ABCA8: variants seen among roughly 807,000 people sequenced by gnomAD.
ABCA8 encodes the protein ABC-type organic anion transporter ABCA8.
Under a neutral mutation model 192.3 loss-of-function variants are expected in ABCA8, and 177 were observed. That is an observed-to-expected ratio of 0.92 (90% CI 0.81 to 1.04). The LOEUF is 1.04. Among genes scored for constraint, ABCA8 ranks in the 50% least tolerant of loss-of-function variants. ABCA8 has a pLI of 0.00. For synonymous variants in ABCA8, 642 were observed against 690.2 expected (o/e 0.93, Z 1.09); for missense variants, 1,915 against 1,904.8 (o/e 1.01, Z -0.10).
In ABCA8 at chr17:68,885,288, C is replaced by G. The variant is rs763500247; in HGVS notation, c.3457G>C (p.Ala1153Pro). The G allele has an allele frequency of 6.2e-7, 1 of 1,612,328 alleles. No individual in the cohort carries two copies. Among genetic ancestry groups the G allele is most frequent in the South Asian group, 1.1e-5 (1 of 90,782 alleles). ...VVTVFSVAGF[A>P]FSIFESDIPF... ...ATATCACTTTCGAAGATACTGAACG[C>G]AAATCCAGCCACAGAGAATACAGTG... The change falls in exon 27 of 40, where the codon GCG (alanine) becomes CCG (proline). Residue 1153 changes from alanine (A) to proline (P), a missense_variant. Ala to Pro is a conservative substitution (Grantham distance 27, BLOSUM62 -1). Coordinates refer to ENST00000586539, the MANE Select transcript of ABCA8 (RefSeq NM_001288985.2).
At chr17:68,953,611 C>T (rs907721696) in intron 1 of ABCA8, among the ~76,000 whole-genome samples, 11 of 152,006 alleles carry the variant, frequency 7.2e-5, no homozygotes, top group African/African-American at 2.7e-4. Flanking sequence ...GTCAGAGAGC[C>T]CATGGAAGGA....
chr17:68,887,489 C>A lies in ABCA8; in HGVS notation c.3162G>T (p.Gln1054His). ...AAGGGGAGAGTCCGGAAATCCGTAG[C>A]TGGGACCGAGCTCTGTTCTAATTAG... is the stretch of plus-strand genomic sequence containing the variant. Reference protein sequence around the residue: ...IDDYKNRARSQLRISGLSPSA... With the variant: ...IDDYKNRARSHLRISGLSPSA... The change falls in exon 25 of 40, where the codon CAG (glutamine) becomes CAT (histidine). Residue 1054 changes from glutamine to histidine, a missense_variant. Coordinates refer to ENST00000586539, the MANE Select transcript of ABCA8 (RefSeq NM_001288985.2). 1 of 1,611,424 alleles carries A rather than the reference C, an allele frequency of 6.2e-7. No homozygotes were observed. The highest frequency in any genetic ancestry group is 8.5e-7 in the Non-Finnish European group (1 of 1,179,214).
Position 68,940,799 on chromosome 17 carries a change from T to C in ABCA8, c.260A>G (p.Gln87Arg). 1 of 1,613,582 alleles carries C rather than the reference T, an allele frequency of 6.2e-7. No individual in the cohort carries two copies. The highest frequency in any genetic ancestry group is 8.5e-7 in the Non-Finnish European group (1 of 1,179,584). ...VVYTPVTNTT[Q>R]QIMNKVASTP... ...AGAGGCTACTTTATTCATTATCTGTTGGGTCGTGTTGGTGACAGGTGTGTA... is the reference window on the plus strand; with the variant it reads ...AGAGGCTACTTTATTCATTATCTGTCGGGTCGTGTTGGTGACAGGTGTGTA... The change falls in exon 4 of 40, where the codon CAA becomes CGA. Residue 87 changes from glutamine (Q) to arginine (R), a missense_variant. Physicochemically the swap from Gln to Arg is conservative, Grantham distance 43 (BLOSUM62 1). Transcript: ENST00000586539.
At chr17:68,868,473 C>A in intron 38 of ABCA8, 117 bp from the exon 39 acceptor site, 2 of 835,828 alleles carry the variant, frequency 2.4e-6, no homozygotes, top group South Asian at 3.5e-5. Flanking sequence ...AGGTAATATT[C>A]ATTCATGTCT....
At chr17:68,900,595 A>G (rs2066882668) in intron 21 of ABCA8, among the ~76,000 whole-genome samples, 1 of 151,726 alleles carries the variant, frequency 6.6e-6, no homozygotes, top group African/African-American at 2.4e-5. Flanking sequence ...TATTATATGC[A>G]GCAAGTATTA....
At chr17:68,903,170 C>T in intron 20 of ABCA8, 131 bp downstream of exon 20, 1 of 973,214 alleles carries the variant, frequency 1.0e-6, no homozygotes, top group East Asian at 2.5e-5. Flanking sequence ...GTGCTTCTTC[C>T]ACTGTGATGC....
chr17:68,874,561 A>G (rs1368327816), intron 37 of ABCA8, among the ~76,000 whole-genome samples: 1 of 152,214 alleles, frequency 6.6e-6, no homozygotes, highest in Non-Finnish European at 1.5e-5. Context: ...ATGTATTTCT[A>G]TACAGCCATG....
chr17:68,874,048 C>T lies in ABCA8; in HGVS notation c.4631+1212G>A, dbSNP rs1228772984. Among the ~76,000 whole-genome samples, 3 of 152,122 alleles carry T rather than the reference C, an allele frequency of 2.0e-5. No individual in the cohort carries two copies. The East Asian group carries it at 5.8e-4, about 29-fold the overall frequency. ...ATAATAATCAAAAGGAAGCAGTTCACAAGGAGAACTGGGGGAAGGGAGTGT... is the reference window on the plus strand; with the variant it reads ...ATAATAATCAAAAGGAAGCAGTTCATAAGGAGAACTGGGGGAAGGGAGTGT... On this transcript the variant is annotated intron_variant, in intron 37 of 39. Coordinates refer to ENST00000586539, the MANE Select transcript of ABCA8 (RefSeq NM_001288985.2).
Position 68,881,190 on chromosome 17 carries a change from C to A in ABCA8, c.3968G>T (p.Gly1323Val). ...VRKGEVLGLLGHNGAGKSTSI... is the reference protein window; with the variant it reads ...VRKGEVLGLLVHNGAGKSTSI... ...TGTGCTTTTACCAGCTCCATTGTGTCCTAATAATCCTAAAACTTCACCTGA... is the reference window on the plus strand; with the variant it reads ...TGTGCTTTTACCAGCTCCATTGTGTACTAATAATCCTAAAACTTCACCTGA... Residue 1323 changes from glycine (G) to valine (V), a missense_variant, in exon 32 of 40, where the codon GGA becomes GTA. Transcript: ENST00000586539. 1 of 1,613,462 alleles carries A rather than the reference C, an allele frequency of 6.2e-7. No homozygotes were observed. Among genetic ancestry groups the A allele is most frequent in the East Asian group, 2.2e-5 (1 of 44,854 alleles).
intron 1 of ABCA8, among the ~76,000 whole-genome samples, chr17:68,952,531 C>T (rs902848455): frequency 6.6e-6 from 1 of 152,054 alleles, no homozygotes; most frequent in Non-Finnish European, 1.5e-5. Context: ...CATTTTTTAC[C>T]ATCAAATGTC....
intron 27 of ABCA8, 60 bp from the exon 28 acceptor site, chr17:68,884,456 A>T (rs927666365): frequency 4.0e-5 from 61 of 1,515,620 alleles, no homozygotes; most frequent in Non-Finnish European, 5.1e-5. Context: ...TTTTGTCCAC[A>T]TATACGTGAA....
At chr17:68,881,613 T>G (rs1037018608) in intron 31 of ABCA8, among the ~76,000 whole-genome samples, 3 of 152,256 alleles carry the variant, frequency 2.0e-5, no homozygotes, top group African/African-American at 7.2e-5. Flanking sequence ...GTTCATTTAA[T>G]AGAAATGTTA....
At chr17:68,870,030 A>G (rs765302786) in intron 37 of ABCA8, among the ~76,000 whole-genome samples, 1 of 152,144 alleles carries the variant, frequency 6.6e-6, no homozygotes, top group Non-Finnish European at 1.5e-5. Flanking sequence ...CTGCTCTGTC[A>G]TCTGGCCAAC....
intron 1 of ABCA8, among the ~76,000 whole-genome samples, chr17:68,951,254 C>T (rs570023664): frequency 6.6e-6 from 1 of 152,330 alleles, no homozygotes; most frequent in East Asian, 1.9e-4. Context: ...ACCTCTTTAG[C>T]ATTCACTATA....
At chr17:68,889,001 C>T (rs1380413320) in intron 24 of ABCA8, among the ~76,000 whole-genome samples, 2 of 152,152 alleles carry the variant, frequency 1.3e-5, no homozygotes, top group Non-Finnish European at 2.9e-5. Flanking sequence ...TGTGGCATCA[C>T]AAAAGCCAAA....
chr17:68,901,668 T>C (rs996524007), intron 21 of ABCA8, among the ~76,000 whole-genome samples: 2 of 151,964 alleles, frequency 1.3e-5, no homozygotes, highest in African/African-American at 4.8e-5. Context: ...ATTAGCTGGC[T>C]GTGGTGGCAA....
At chr17:68,942,329 C>T (rs1299398608) in intron 2 of ABCA8, among the ~76,000 whole-genome samples, 1 of 152,160 alleles carries the variant, frequency 6.6e-6, no homozygotes, top group Non-Finnish European at 1.5e-5. Context: ...GGATCTGAAT[C>T]CTTTAAGTAC....
chr17:68,897,017 A>G (rs2143435525), intron 21 of ABCA8, among the ~76,000 whole-genome samples: 1 of 152,354 alleles, frequency 6.6e-6, no homozygotes. Flanking sequence ...ATGGATGGCC[A>G]TTAGTTTGGT....
chr17:68,948,921 A>T (rs2068491669), intron 2 of ABCA8, among the ~76,000 whole-genome samples: 1 of 152,124 alleles, frequency 6.6e-6, no homozygotes, highest in South Asian at 2.1e-4. Context: ...TTTTTGTATA[A>T]GGTGTAAGGA....
Sources: allele counts gnomAD v4.1 joint callset (sites outside exome capture counted in the v4.1 genomes callset), GRCh38; gene constraint gnomAD v4.1.1; transcripts MANE v1.5; gene names NCBI Gene and HGNC (gene_info 2026-07-23, HGNC 2026-07-21).